PARD3: variants seen among roughly 807,000 people sequenced by gnomAD.
PARD3 encodes partitioning defective 3 homolog.
In PARD3, 75 loss-of-function variants were observed where a neutral mutation model predicts 155.4. The observed-to-expected ratio is 0.48, with a 90% CI of 0.40 to 0.58. The LOEUF (loss-of-function observed/expected upper bound fraction) is 0.58, where lower values mean the gene tolerates loss of function less well. Ranked by LOEUF, PARD3 falls within the 20% of genes least tolerant of loss-of-function variation. The pLI, the probability that PARD3 is intolerant of heterozygous loss-of-function variation, is 0.00. For missense variants in PARD3, 1,642 were observed against 1,721.7 expected (o/e 0.95, Z 0.82); for synonymous variants, 576 against 610.5 (o/e 0.94, Z 0.83).
rs1236573215 is a variant in PARD3 at position 34,261,811 on chromosome 10, AAGAAAG to A, written c.3419+7840_3419+7845del. Among the ~76,000 whole-genome samples the A allele has an allele frequency of 1.7e-3, 255 of 149,988 alleles. 6 individuals carry two copies. The highest frequency in any genetic ancestry group is 5.9e-3 in the African/African-American group (238 of 40,538). On this transcript the variant is annotated intron_variant, in intron 22 of 24. Transcript: ENST00000374788. ...AAAGAAAGAAAGAAAGAAAGAAAGAAAGAAAGAAAGAAAGAAACAAACAAACAAACA... is the reference window on the plus strand; with the variant it reads ...AAAGAAAGAAAGAAAGAAAGAAAGAAAAAGAAAGAAACAAACAAACAAACA...
intron 5 of PARD3, among the ~76,000 whole-genome samples, chr10:34,440,874 C>G (rs925001595): frequency 6.6e-6 from 1 of 151,876 alleles, no homozygotes; most frequent in Non-Finnish European, 1.5e-5. Context: ...CATGAAGATA[C>G]TTAGCATTCT....
intron 2 of PARD3, among the ~76,000 whole-genome samples, chr10:34,605,180 A>ATTTTTTTTTTTTTTTTTTTTTTTTTTTTT (rs750688603): frequency 1.6e-5 from 1 of 62,430 alleles, no homozygotes; most frequent in African/African-American, 5.5e-5. Context: ...CCAAAATGAA[A>ATTTTTTTTTTTTTTTTTTTTTTTTTTTTT]TTTTTTTTTT....
At chr10:34,143,808 T>C (rs190197086) in intron 22 of PARD3, among the ~76,000 whole-genome samples, 190 of 152,300 alleles carry the variant, frequency 1.2e-3, no homozygotes, top group African/African-American at 4.2e-3. Flanking sequence ...TAATAACCAG[T>C]TTTCTAAAAA....
intron 12 of PARD3, among the ~76,000 whole-genome samples, chr10:34,369,131 T>A (rs1253088393): frequency 6.6e-6 from 1 of 152,002 alleles, no homozygotes; most frequent in Non-Finnish European, 1.5e-5. Flanking sequence ...ATTTGGAGTG[T>A]CCTAAGGTTA....
At chr10:34,467,422 C>T (rs202217957) in intron 4 of PARD3, among the ~76,000 whole-genome samples, 5 of 151,274 alleles carry the variant, frequency 3.3e-5, no homozygotes, top group African/African-American at 7.3e-5. Flanking sequence ...TCTATAAGTT[C>T]GCCAAATTTT....
chr10:34,786,545 G>C (rs1840983109), intron 1 of PARD3, among the ~76,000 whole-genome samples: 1 of 152,178 alleles, frequency 6.6e-6, no homozygotes, highest in African/African-American at 2.4e-5. Flanking sequence ...TGCCACCTGG[G>C]AGGACTGATC....
chr10:34,164,076 A>G lies in PARD3; in HGVS notation c.3420-32493T>C, dbSNP rs148253339. Among the ~76,000 whole-genome samples the G allele has an allele frequency of 8.5e-3, 1,297 of 152,330 alleles. 8 individuals carry two copies. The highest frequency in any genetic ancestry group is 0.024 in the Middle Eastern group (7 of 294). On this transcript the variant is annotated intron_variant, in intron 22 of 24. Transcript: ENST00000374788. ...ACCACGCTCATAGGTCTTGTGAAAG[A>G]CAGCGAGTAGTAAATCACTAATACA...
intron 8 of PARD3, among the ~76,000 whole-genome samples, chr10:34,383,198 C>T (rs776755840): frequency 8.5e-5 from 13 of 152,078 alleles, no homozygotes; most frequent in Non-Finnish European, 1.6e-4. Flanking sequence ...AATCATTAAA[C>T]ATGTTTTAAG....
At chr10:34,308,193 G>A (rs1256790579) in intron 20 of PARD3, among the ~76,000 whole-genome samples, 2 of 152,160 alleles carry the variant, frequency 1.3e-5, no homozygotes, top group South Asian at 2.1e-4. Context: ...GTTCTGTAGG[G>A]CCCTAAGGAT....
At chr10:34,576,402 C>G (rs983424458) in intron 2 of PARD3, among the ~76,000 whole-genome samples, 6 of 151,940 alleles carry the variant, frequency 3.9e-5, no homozygotes, top group Admixed American at 2.6e-4. Context: ...ATCAAGGAAT[C>G]TTTAAAAATA....
At chr10:34,345,339 G>A (rs887181924) in intron 15 of PARD3, 1 of 985,318 alleles carries the variant, frequency 1.0e-6, no homozygotes, top group African/African-American at 1.7e-5. Context: ...TCAAAGCTCC[G>A]TTTAGCCTAG....
chr10:34,491,403 T>C (rs531568586), intron 3 of PARD3, among the ~76,000 whole-genome samples: 1 of 152,234 alleles, frequency 6.6e-6, no homozygotes, highest in Non-Finnish European at 1.5e-5. Context: ...AAAAGTTATA[T>C]AGAAATAATT....
At chr10:34,212,607 G>A (rs1036055903) in intron 22 of PARD3, among the ~76,000 whole-genome samples, 6 of 151,988 alleles carry the variant, frequency 3.9e-5, no homozygotes, top group Non-Finnish European at 7.4e-5. Context: ...GACTGTACCT[G>A]GTGCGCCCTA....
intron 2 of PARD3, among the ~76,000 whole-genome samples, chr10:34,690,826 C>A (rs1353304941): frequency 6.6e-6 from 1 of 152,088 alleles, no homozygotes; most frequent in Non-Finnish European, 1.5e-5. Context: ...ACAGAGAGTG[C>A]CAAAGGGAAA....
At chr10:34,315,770 T>C (rs1957968569) in intron 20 of PARD3, among the ~76,000 whole-genome samples, 2 of 152,162 alleles carry the variant, frequency 1.3e-5, no homozygotes, top group Non-Finnish European at 1.5e-5. Flanking sequence ...TGAAGAAACA[T>C]GATGAGGGGG....
chr10:34,406,681 C>T (rs1844512392), intron 5 of PARD3, among the ~76,000 whole-genome samples: 1 of 152,048 alleles, frequency 6.6e-6, no homozygotes, highest in Non-Finnish European at 1.5e-5. Flanking sequence ...GTTTGCACCT[C>T]CTCCCTGGGC....
At chr10:34,573,131 T>A (rs983754519) in intron 2 of PARD3, among the ~76,000 whole-genome samples, 2 of 152,024 alleles carry the variant, frequency 1.3e-5, no homozygotes, top group Non-Finnish European at 1.5e-5. Flanking sequence ...AGTGGGAGGA[T>A]CCCTTGAGGC....
At chr10:34,242,026 C>T (rs61840219) in intron 22 of PARD3, among the ~76,000 whole-genome samples, 13,354 of 152,068 alleles carry the variant, frequency 0.088, 641 homozygotes, top group Non-Finnish European at 0.095. Flanking sequence ...ACAGAAATAC[C>T]TAAATCCAGG....
At chr10:34,611,915 T>C (rs1170296910) in intron 2 of PARD3, among the ~76,000 whole-genome samples, 1 of 135,542 alleles carries the variant, frequency 7.4e-6, no homozygotes, top group Non-Finnish European at 1.6e-5. Flanking sequence ...GTTCACACCA[T>C]TCCCCTGCCT....
Sources: gnomAD v4.1 joint callset for allele counts (sites outside exome capture counted in the v4.1 genomes callset) on GRCh38, gnomAD v4.1.1 for gene constraint, MANE v1.5 for transcripts, NCBI Gene and HGNC (gene_info 2026-07-23, HGNC 2026-07-21) for gene names.